Variants in CDH18 observed in about 807,000 individuals in gnomAD.
CDH18 encodes cadherin 18.
CDH18 carries 31 observed loss-of-function variants against 67.9 expected under a neutral mutation model. That is an observed-to-expected ratio of 0.46 (90% CI 0.34 to 0.62). The LOEUF (loss-of-function observed/expected upper bound fraction) is 0.62. Among genes scored for constraint, CDH18 ranks in the 20% least tolerant of loss-of-function variants. The probability of loss-of-function intolerance (pLI) is 0.01; values close to 1 mark genes in which losing one functional copy is unlikely to be tolerated. For missense variants in CDH18, 890 were observed against 975.5 expected (o/e 0.91, Z 1.17); for synonymous variants, 362 against 347.2 (o/e 1.04, Z -0.48).
chr5:20,283,839 T>C (rs190202753), intron 1 of CDH18, among the ~76,000 whole-genome samples: 2 of 152,154 alleles, frequency 1.3e-5, no homozygotes, highest in Non-Finnish European at 2.9e-5. Flanking sequence ...TTTCCAAGAT[T>C]TGGAAGCAAA....
At chr5:20,231,486 C>T (rs1742070890) in intron 2 of CDH18, among the ~76,000 whole-genome samples, 1 of 151,994 alleles carries the variant, frequency 6.6e-6, no homozygotes, top group Non-Finnish European at 1.5e-5. Context: ...GTAACCCCAG[C>T]TACTCAGGAG....
At chr5:20,227,293 C>G (rs572016154) in intron 2 of CDH18, among the ~76,000 whole-genome samples, 16 of 152,218 alleles carry the variant, frequency 1.1e-4, no homozygotes, top group African/African-American at 3.8e-4. Context: ...TTGGTTCCCA[C>G]ATTTTTGCTG....
chr5:20,330,268 G>A (rs542875350), intron 1 of CDH18, among the ~76,000 whole-genome samples: 1 of 152,250 alleles, frequency 6.6e-6, no homozygotes, highest in South Asian at 2.1e-4. Context: ...TTTGAAGACA[G>A]TTGCTATATA....
At chr5:19,719,668 A>G (rs1413463178) in intron 5 of CDH18, among the ~76,000 whole-genome samples, 1 of 151,842 alleles carries the variant, frequency 6.6e-6, no homozygotes, top group Non-Finnish European at 1.5e-5. Context: ...TCTCATACTC[A>G]TTTTAAGTTG....
At chr5:20,365,996 T>C (rs1443036255) in intron 1 of CDH18, among the ~76,000 whole-genome samples, 1 of 152,150 alleles carries the variant, frequency 6.6e-6, no homozygotes, top group African/African-American at 2.4e-5. Context: ...ATCTTCTCTA[T>C]TTCACTTTTT....
intron 1 of CDH18, among the ~76,000 whole-genome samples, chr5:20,537,717 C>A: frequency 6.6e-6 from 1 of 151,818 alleles, no homozygotes; most frequent in African/African-American, 2.4e-5. Context: ...CAAAATAAAA[C>A]CATTGTCAAA....
intron 1 of CDH18, among the ~76,000 whole-genome samples, chr5:20,367,181 G>T (rs1742588130): frequency 6.6e-6 from 1 of 152,150 alleles, no homozygotes; most frequent in Admixed American, 6.5e-5. Flanking sequence ...AGATACAGTG[G>T]TATTTGTTAG....
At chr5:20,138,545 T>C (rs1320565483) in intron 2 of CDH18, among the ~76,000 whole-genome samples, 1 of 152,128 alleles carries the variant, frequency 6.6e-6, no homozygotes, top group Non-Finnish European at 1.5e-5. Flanking sequence ...GCAGAAGACA[T>C]GATTATATTT....
intron 1 of CDH18, among the ~76,000 whole-genome samples, chr5:20,298,241 G>GAA (rs1427792514): frequency 6.6e-6 from 1 of 151,994 alleles, no homozygotes; most frequent in Non-Finnish European, 1.5e-5. Flanking sequence ...AAAAATTATA[G>GAA]AAAATTAAAA....
At chr5:20,054,401 TC>T (rs1236325067) in intron 2 of CDH18, among the ~76,000 whole-genome samples, 1 of 152,180 alleles carries the variant, frequency 6.6e-6, no homozygotes, top group African/African-American at 2.4e-5. Context: ...TTCTTCCTTT[TC>T]CTTTGTACTG....
intron 2 of CDH18, among the ~76,000 whole-genome samples, chr5:20,055,353 C>T (rs1329743752): frequency 6.6e-6 from 1 of 152,204 alleles, no homozygotes; most frequent in Non-Finnish European, 1.5e-5. Flanking sequence ...ATTCTCAAAG[C>T]CTCAATTCTG....
intron 2 of CDH18, among the ~76,000 whole-genome samples, chr5:19,998,824 A>C (rs997080561): frequency 1.3e-5 from 2 of 152,214 alleles, no homozygotes; most frequent in Non-Finnish European, 2.9e-5. Context: ...CTTTGGTAGC[A>C]TAAGAAGTGA....
chr5:20,330,730 A>G (rs544847553), intron 1 of CDH18, among the ~76,000 whole-genome samples: 1 of 152,320 alleles, frequency 6.6e-6, no homozygotes, highest in East Asian at 1.9e-4. Flanking sequence ...GAATCAGGCG[A>G]GAAGGGATGC....
At chr5:19,647,355 T>C (rs903970469) in intron 5 of CDH18, among the ~76,000 whole-genome samples, 2 of 120,552 alleles carry the variant, frequency 1.7e-5, no homozygotes, top group Admixed American at 9.1e-5. Context: ...ACCCCGTCTC[T>C]ACTAAAAATA....
intron 2 of CDH18, among the ~76,000 whole-genome samples, chr5:20,119,786 A>G (rs527693354): frequency 6.6e-6 from 1 of 152,266 alleles, no homozygotes; most frequent in East Asian, 1.9e-4. Context: ...GGAGTTATTT[A>G]TTGTAATTAC....
At chr5:20,343,050 C>T (rs1433206449) in intron 1 of CDH18, among the ~76,000 whole-genome samples, 1 of 152,154 alleles carries the variant, frequency 6.6e-6, no homozygotes, top group Non-Finnish European at 1.5e-5. Context: ...ACGGTTTGAA[C>T]TGCAGTCACT....
At chr5:20,272,245 C>T (rs991080857) in intron 1 of CDH18, among the ~76,000 whole-genome samples, 15 of 152,004 alleles carry the variant, frequency 9.9e-5, no homozygotes, top group African/African-American at 3.4e-4. Flanking sequence ...AATTTAAGGA[C>T]TGAAGAGTGA....
chr5:19,851,299 T>C (rs1581644011), intron 2 of CDH18, among the ~76,000 whole-genome samples: 1 of 151,538 alleles, frequency 6.6e-6, no homozygotes, highest in South Asian at 2.1e-4. Context: ...TCTAGGTCTA[T>C]ATTTTTGTTC....
intron 1 of CDH18, among the ~76,000 whole-genome samples, chr5:20,317,754 G>A (rs1185253344): frequency 6.6e-6 from 1 of 152,138 alleles, no homozygotes; most frequent in African/African-American, 2.4e-5. Context: ...TGTTGATCAT[G>A]TGACATGGTC....
Sources: allele counts gnomAD v4.1 joint callset (sites outside exome capture counted in the v4.1 genomes callset), GRCh38; gene constraint gnomAD v4.1.1; transcripts MANE v1.5; gene names NCBI Gene and HGNC (gene_info 2026-07-23, HGNC 2026-07-21).